The following ACKR2 variants were observed in gnomAD, a reference collection of about 807,000 sequenced individuals.
The protein encoded by ACKR2 is atypical chemokine receptor 2, also known as C-C chemokine receptor D6.
For missense variants in ACKR2, 457 were observed against 477.3 expected, an observed-to-expected ratio of 0.96 and a Z score of 0.40; for synonymous variants, 207 against 192.2, an observed-to-expected ratio of 1.08 and a Z score of -0.64.
At chr3:42,811,638 AAAGAGGAAGGTCTCTTGCGGTTGAGAT>A (rs1036464027) in intron 1 of ACKR2, among the ~76,000 whole-genome samples, 20 of 152,150 alleles carry the variant, frequency 1.3e-4, no homozygotes, top group African/African-American at 4.3e-4. Context: ...AGGATTAGTA[AAAGAGGAAGGTCTCTTGCGGTTGAGAT>A]AAGAGGAAGG....
At chr3:42,831,881 G>A (rs1028764862) in intron 2 of ACKR2, among the ~76,000 whole-genome samples, 12 of 152,148 alleles carry the variant, frequency 7.9e-5, no homozygotes, top group Non-Finnish European at 1.6e-4. Flanking sequence ...ATTACTAGTA[G>A]GTGAAAGGTT....
At chr3:42,837,666 C>T (rs1184106716) in intron 2 of ACKR2, among the ~76,000 whole-genome samples, 2 of 152,190 alleles carry the variant, frequency 1.3e-5, no homozygotes, top group African/African-American at 2.4e-5. Context: ...CACTCATACT[C>T]TCATGCTGAT....
At chr3:42,837,683 C>T (rs1206800824) in intron 2 of ACKR2, among the ~76,000 whole-genome samples, 1 of 152,166 alleles carries the variant, frequency 6.6e-6, no homozygotes, top group African/African-American at 2.4e-5. Flanking sequence ...TGATCACCTC[C>T]GGAAACACCT....
At chr3:42,827,754 C>G (rs867226397) in intron 2 of ACKR2, among the ~76,000 whole-genome samples, 4 of 152,110 alleles carry the variant, frequency 2.6e-5, no homozygotes, top group Non-Finnish European at 5.9e-5. Context: ...TCTCCCCATG[C>G]GTGGGAAAGA....
intron 2 of ACKR2, among the ~76,000 whole-genome samples, chr3:42,828,092 A>ATATATATATTTTTTT (rs1193533555): frequency 5.7e-4 from 69 of 121,880 alleles, no homozygotes; most frequent in African/African-American, 2.1e-3. Context: ...ATATATATAT[A>ATATATATATTTTTTT]TTTTTTTTTT....
chr3:42,847,147 G>T (rs1428155667), intron 2 of ACKR2, among the ~76,000 whole-genome samples: 1 of 152,154 alleles, frequency 6.6e-6, no homozygotes, highest in Non-Finnish European at 1.5e-5. Flanking sequence ...TAGTAAATAT[G>T]TAAGTGAAGA....
At chr3:42,856,703 C>A (rs2088325131) in intron 2 of ACKR2, among the ~76,000 whole-genome samples, 1 of 151,776 alleles carries the variant, frequency 6.6e-6, no homozygotes, top group African/African-American at 2.4e-5. Flanking sequence ...CGGGGTAGAG[C>A]TGATTTGCAT....
At chr3:42,860,990 G>A (rs1438947804) in intron 2 of ACKR2, among the ~76,000 whole-genome samples, 1 of 152,128 alleles carries the variant, frequency 6.6e-6, no homozygotes. Flanking sequence ...AAAGCTAGCA[G>A]AAGACAAGAA....
intron 2 of ACKR2, among the ~76,000 whole-genome samples, chr3:42,824,742 AT>A (rs1700845058): frequency 6.6e-6 from 1 of 152,162 alleles, no homozygotes; most frequent in Admixed American, 6.5e-5. Flanking sequence ...CCATTCATCC[AT>A]TGGTAGACAT....
chr3:42,856,314 G>T, intron 2 of ACKR2: 1 of 697,374 alleles, frequency 1.4e-6, no homozygotes, highest in South Asian at 1.5e-5. Context: ...GGAGCCCAAG[G>T]GTGGGGCAGA....
At position 42,843,143 on chromosome 3, in the gene ACKR2, C is replaced by T. The variant is rs563076023; in HGVS notation, c.-37-21323C>T. ...AGGCTGGAGTGCAGTGGCACAATCA[C>T]GGCTCACTGCAACCTCTGCCTCCCA... On this transcript the variant is annotated intron_variant, in intron 2 of 2. Transcript: ENST00000422265. Among the ~76,000 whole-genome samples, 10 of 151,858 alleles carry T rather than the reference C, an allele frequency of 6.6e-5. No individual in the cohort carries two copies. In the South Asian group the frequency reaches 2.1e-3, roughly 32 times the overall value.
chr3:42,828,093 T>TATATATATATATA (rs1553699769), intron 2 of ACKR2, among the ~76,000 whole-genome samples: 6 of 70,630 alleles, frequency 8.5e-5, no homozygotes, highest in East Asian at 6.0e-4. Flanking sequence ...TATATATATA[T>TATATATATATATA]TTTTTTTTTT....
Position 42,865,449 on chromosome 3 carries a change from G to T in ACKR2, c.947G>T (p.Ser316Ile), listed in dbSNP as rs184802180. The part of the protein sequence containing the change: ...CFSPILYAFS[S>I]HRFRQYLKAF... ...TCCCCCATCCTGTATGCCTTCTCCA[G>T]TCACCGCTTCCGCCAGTACCTGAAG... The change falls in exon 3 of 3, where the codon AGT becomes ATT. Residue 316 changes from serine to isoleucine, a missense_variant. By Grantham distance (142) the Ser-to-Ile change is moderately radical (BLOSUM62 -2). Transcript: ENST00000422265. The T allele has an allele frequency of 1.4e-4, 232 of 1,614,158 alleles. No individual in the cohort carries two copies. The Middle Eastern group carries it at 1.6e-3, about 11-fold the overall frequency.
chr3:42,837,214 G>T (rs1463122521), intron 2 of ACKR2, among the ~76,000 whole-genome samples: 2 of 151,964 alleles, frequency 1.3e-5, no homozygotes, highest in Admixed American at 1.3e-4. Flanking sequence ...GGGCTGGGGA[G>T]CCTGAAGTTT....
At chr3:42,845,003 C>T (rs1219088948) in intron 2 of ACKR2, among the ~76,000 whole-genome samples, 1 of 152,122 alleles carries the variant, frequency 6.6e-6, no homozygotes, top group Non-Finnish European at 1.5e-5. Flanking sequence ...GGCCTGGCAG[C>T]CCATTGAAGA....
At chr3:42,856,126 G>C (rs894076575) in intron 2 of ACKR2, 1 of 450,028 alleles carries the variant, frequency 2.2e-6, no homozygotes, top group Admixed American at 4.0e-5. Flanking sequence ...TGAAGGCCAG[G>C]AGGCCCCTGG....
Position 42,864,724 on chromosome 3 carries a change from C to G in ACKR2, c.222C>G (p.Tyr74Ter). ...TTCTTCTCATGGTCTTGCTCCGTTA[C>G]GTGCCTCGCAGGCGGATGGTTGAGA... is the stretch of plus-strand genomic sequence containing the variant. ...NLLLLMVLLR[Y>*]VPRRRMVEIY... Residue 74 changes from tyrosine (Y) to a stop codon, truncating the protein, a stop_gained, in exon 3 of 3, where the codon TAC becomes TAG. Transcript: ENST00000422265. LOFTEE classifies it low-confidence loss of function (END_TRUNC). 1 of 1,614,164 alleles carries G rather than the reference C, an allele frequency of 6.2e-7. No homozygotes were observed. Among genetic ancestry groups the G allele is most frequent in the Non-Finnish European group, 8.5e-7 (1 of 1,180,018 alleles).
chr3:42,845,050 G>C (rs533324158), intron 2 of ACKR2, among the ~76,000 whole-genome samples: 9 of 152,200 alleles, frequency 5.9e-5, no homozygotes, highest in African/African-American at 2.2e-4. Context: ...CATGGGATGG[G>C]GCTACCTGTG....
At chr3:42,826,061 G>A (rs1700861897) in intron 2 of ACKR2, among the ~76,000 whole-genome samples, 1 of 151,818 alleles carries the variant, frequency 6.6e-6, no homozygotes, top group Non-Finnish European at 1.5e-5. Context: ...GATGTTGAAC[G>A]GTTTAACCTT....
Sources: allele counts gnomAD v4.1 joint callset (sites outside exome capture counted in the v4.1 genomes callset), GRCh38; gene constraint gnomAD v4.1.1; transcripts MANE v1.5; gene names NCBI Gene and HGNC (gene_info 2026-07-23, HGNC 2026-07-21).